The following IL34 variants were observed in gnomAD, a reference collection of about 807,000 sequenced individuals.
IL34 encodes the protein interleukin-34.
IL34 carries 17 observed loss-of-function variants against 25.3 expected under a neutral mutation model. The observed-to-expected ratio is 0.67, with a 90% CI of 0.46 to 1.01. The LOEUF (loss-of-function observed/expected upper bound fraction) is 1.01, where lower values mean the gene tolerates loss of function less well. Ranked by LOEUF, IL34 falls within the 50% of genes least tolerant of loss-of-function variation. The probability of loss-of-function intolerance (pLI) is 0.00; values close to 1 mark genes in which losing one functional copy is unlikely to be tolerated. For missense variants in IL34, 368 were observed against 312.9 expected, an observed-to-expected ratio of 1.18 and a Z score of -1.33; for synonymous variants, 174 against 140.9, an observed-to-expected ratio of 1.23 and a Z score of -1.66.
intron 1 of IL34, among the ~76,000 whole-genome samples, chr16:70,623,878 TACTC>T (rs1383797246): frequency 2.0e-5 from 3 of 150,656 alleles, no homozygotes; most frequent in Non-Finnish European, 4.4e-5. Context: ...TGGCCGTCAA[TACTC>T]ACAACAGTTA....
In IL34 at chr16:70,657,193, G is replaced by T. The variant is rs2052253734; in HGVS notation, c.402+72G>T. On this transcript the variant is annotated intron_variant, in intron 4 of 5. Coordinates refer to ENST00000288098, the MANE Select transcript of IL34 (RefSeq NM_001393494.1). ...CGTGTGTACATGTGTGTGAGGTGTG[G>T]CCAAAGGCTAGTGAGGGAAAGGGTG... The T allele has an allele frequency of 4.7e-6, 7 of 1,503,080 alleles. No individual in the cohort carries two copies. The South Asian group carries it at 7.4e-5, about 16-fold the overall frequency. 93.1% of individuals were successfully genotyped at this position (1,503,080 alleles called of 1,614,324 possible). A position where few individuals can be genotyped will look rare whatever the true frequency, so the allele number is the denominator to read the frequency against.
intron 1 of IL34, among the ~76,000 whole-genome samples, chr16:70,586,985 C>T (rs543626874): frequency 3.3e-5 from 5 of 152,226 alleles, no homozygotes; most frequent in South Asian, 2.1e-4. Context: ...TGGGGGCTGC[C>T]GAGCTAGCCC....
At position 70,646,825 on chromosome 16, in the gene IL34, C is replaced by T. The variant is rs2051944571; in HGVS notation, c.-123C>T. 3.2e-6 allele frequency: 3 copies of T among 945,872 alleles called. No individual in the cohort carries two copies. In the South Asian group the frequency reaches 5.4e-5, roughly 17 times the overall value. 58.6% of individuals were successfully genotyped at this position (945,872 alleles called of 1,614,324 possible). The stretch of plus-strand genomic sequence containing the variant: ...CGCAGCCCAGCCACTCCTCCAGGGC[C>T]AGCCCTTCCCTGACTGAGTGACCAC... On this transcript the variant is annotated 5_prime_UTR_variant, in exon 1 of 6. Coordinates refer to ENST00000288098, the MANE Select transcript of IL34 (RefSeq NM_001393494.1).
chr16:70,639,810 T>G (rs2051739655), intron 1 of IL34, among the ~76,000 whole-genome samples: 1 of 151,878 alleles, frequency 6.6e-6, no homozygotes, highest in Admixed American at 6.6e-5. Context: ...AAATAAAAAT[T>G]AGCCAGGTGT....
At chr16:70,625,900 T>C (rs34538878) in intron 1 of IL34, among the ~76,000 whole-genome samples, 82,075 of 152,126 alleles carry the variant, frequency 0.54, 24,077 homozygotes, top group African/African-American at 0.78. Flanking sequence ...TTCTTGGGCT[T>C]GTCTGTCTAA....
At chr16:70,584,932 C>G (rs1476191049) in intron 1 of IL34, among the ~76,000 whole-genome samples, 2 of 152,074 alleles carry the variant, frequency 1.3e-5, no homozygotes, top group African/African-American at 4.8e-5. Flanking sequence ...AACTCCTGAC[C>G]TCAGGCAATC....
At chr16:70,594,659 G>T (rs1159086501) in intron 1 of IL34, among the ~76,000 whole-genome samples, 1 of 152,118 alleles carries the variant, frequency 6.6e-6, no homozygotes, top group Admixed American at 6.6e-5. Context: ...AGGGTCAAGG[G>T]CCCAAAGAGG....
intron 1 of IL34, among the ~76,000 whole-genome samples, chr16:70,584,033 C>G (rs1443090665): frequency 6.6e-6 from 1 of 152,200 alleles, no homozygotes; most frequent in African/African-American, 2.4e-5. Flanking sequence ...CCTTCCCCTG[C>G]CCCCAAGGCA....
intron 1 of IL34, among the ~76,000 whole-genome samples, chr16:70,589,389 C>T (rs759715463): frequency 6.6e-6 from 1 of 152,102 alleles, no homozygotes; most frequent in Admixed American, 6.6e-5. Flanking sequence ...TCTCCCTCCT[C>T]CCACCCTCCA....
At chr16:70,643,197 G>A (rs992464316), upstream of IL34, among the ~76,000 whole-genome samples, 5 of 151,926 alleles carry the variant, frequency 3.3e-5, no homozygotes, top group Admixed American at 3.3e-4. Context: ...TGAGTAGCTG[G>A]GATTACAGGT....
At chr16:70,604,055 T>A (rs1351922542) in intron 1 of IL34, among the ~76,000 whole-genome samples, 2 of 152,214 alleles carry the variant, frequency 1.3e-5, no homozygotes, top group East Asian at 3.8e-4. Flanking sequence ...GGGCTGCTGT[T>A]CCAGTGAAGG....
At chr16:70,591,520 G>A (rs986422249) in intron 1 of IL34, among the ~76,000 whole-genome samples, 1 of 149,782 alleles carries the variant, frequency 6.7e-6, no homozygotes, top group African/African-American at 2.5e-5. Context: ...AGTTAGCCAT[G>A]ATCACACCAT....
Position 70,640,602 on chromosome 16 carries a change from C to T in IL34, c.-400-5946C>T, listed in dbSNP as rs564892817. 1.7e-4 allele frequency among the ~76,000 whole-genome samples: 24 copies of T among 143,994 alleles called. No homozygotes were observed. The South Asian group carries it at 3.3e-3, about 20-fold the overall frequency. The allele number at this position is 143,994 out of a possible 152,430, so 94.5% of individuals were successfully genotyped here. A position where few individuals can be genotyped will look rare whatever the true frequency, so the allele number is the denominator to read the frequency against. ...TCTTGCCACTGCACTCCAGCCAGGGCGACAGAGCAAGACTCCGTCTCAATA... is the reference window on the plus strand; with the variant it reads ...TCTTGCCACTGCACTCCAGCCAGGGTGACAGAGCAAGACTCCGTCTCAATA... On this transcript the variant is annotated intron_variant, in intron 1 of 6. Coordinates refer to the IL34 transcript ENST00000429149.
At chr16:70,656,829 CAT>C (rs2052236483) in intron 3 of IL34, 129 bp from the exon 4 acceptor site, 1 of 1,134,562 alleles carries the variant, frequency 8.8e-7, no homozygotes, top group Non-Finnish European at 1.3e-6. Flanking sequence ...GGCCCAGGCA[CAT>C]GTTTGTCCAC....
chr16:70,658,644 T>C (rs1035956661), intron 4 of IL34, among the ~76,000 whole-genome samples: 4 of 151,932 alleles, frequency 2.6e-5, no homozygotes, highest in African/African-American at 9.7e-5. Flanking sequence ...ACCACACCTG[T>C]ATTTTTAGTA....
rs114752158 is a variant in IL34 at position 70,641,370 on chromosome 16, A to G, written c.-400-5178A>G. ...ATGGCCAAAAGGTGGAAACAGCCCA[A>G]AAGTTCACCAACCAAGGGCACTGTA... On this transcript the variant is annotated intron_variant, in intron 1 of 6. Transcript: ENST00000429149. 5.5e-3 allele frequency among the ~76,000 whole-genome samples: 838 copies of G among 152,302 alleles called. 4 individuals are homozygous for G. The highest frequency in any genetic ancestry group is 0.019 in the African/African-American group (778 of 41,566).
intron 1 of IL34, among the ~76,000 whole-genome samples, chr16:70,590,556 G>C (rs114006339): frequency 6.6e-6 from 1 of 152,208 alleles, no homozygotes; most frequent in Non-Finnish European, 1.5e-5. Context: ...AGCCGGGTGG[G>C]AAGGCTTGTC....
chr16:70,641,523 TCCTCCCTC>T (rs1211987500), intron 1 of IL34, among the ~76,000 whole-genome samples: 2 of 125,988 alleles, frequency 1.6e-5, no homozygotes, highest in African/African-American at 6.8e-5. Flanking sequence ...CTCCCTCCCT[TCCTCCCTC>T]CCTCCCTTCC....
At chr16:70,590,425 G>T (rs1225683245) in intron 1 of IL34, among the ~76,000 whole-genome samples, 2 of 152,194 alleles carry the variant, frequency 1.3e-5, no homozygotes, top group African/African-American at 4.8e-5. Flanking sequence ...GTGCGAGGTG[G>T]GGGTGGAGCC....
Sources: gnomAD v4.1 joint callset for allele counts (sites outside exome capture counted in the v4.1 genomes callset) on GRCh38, gnomAD v4.1.1 for gene constraint, MANE v1.5 for transcripts, NCBI Gene and HGNC (gene_info 2026-07-23, HGNC 2026-07-21) for gene names.